PSMA5: variants seen among roughly 807,000 people sequenced by gnomAD.
PSMA5 encodes the protein proteasome subunit alpha type-5.
In PSMA5, 3 loss-of-function variants were observed where a neutral mutation model predicts 34.5. The ratio of observed to expected loss-of-function variants is 0.09; its 90% confidence interval spans 0.04 to 0.22. PSMA5 has a LOEUF of 0.22. Ranked by LOEUF, PSMA5 falls within the 10% of genes least tolerant of loss-of-function variation. The pLI is 1.00. For missense variants in PSMA5, 120 were observed against 286.1 expected (o/e 0.42, Z 4.19); for synonymous variants, 88 against 95.8 (o/e 0.92, Z 0.47).
intron 8 of PSMA5, among the ~76,000 whole-genome samples, chr1:109,407,944 T>C (rs1015844471): frequency 1.3e-5 from 2 of 152,102 alleles, no homozygotes; most frequent in African/African-American, 2.4e-5. Context: ...GATTTTAATA[T>C]GGCCCAGCAA....
At chr1:109,422,031 C>T in intron 1 of PSMA5, 105 bp from the exon 2 acceptor site, 4 of 641,200 alleles carry the variant, frequency 6.2e-6, no homozygotes, top group Non-Finnish European at 9.9e-6. Context: ...AGAATACGCA[C>T]ATTGTCATTA....
chr1:109,410,925 C>T (rs751947768), intron 7 of PSMA5, 86 bp downstream of exon 7: 131 of 1,020,614 alleles, frequency 1.3e-4, no homozygotes, highest in Non-Finnish European at 1.8e-4. Flanking sequence ...CAAAACAGAA[C>T]TGAACTCTTA....
intron 8 of PSMA5, among the ~76,000 whole-genome samples, chr1:109,404,811 C>T (rs1653678424): frequency 6.6e-6 from 1 of 152,066 alleles, no homozygotes; most frequent in African/African-American, 2.4e-5. Flanking sequence ...ACTAAGGATC[C>T]AAAGATGAAG....
intron 3 of PSMA5, among the ~76,000 whole-genome samples, 167 bp from the exon 4 acceptor site, chr1:109,413,302 G>A (rs575530591): frequency 8.7e-4 from 133 of 152,268 alleles, no homozygotes; most frequent in African/African-American, 3.0e-3. Flanking sequence ...CTGAACCCAA[G>A]TATTAATGAT....
intron 3 of PSMA5, 57 bp from the exon 4 acceptor site, chr1:109,413,192 C>A (rs950451878): frequency 7.3e-6 from 11 of 1,516,066 alleles, no homozygotes; most frequent in African/African-American, 1.4e-5. Flanking sequence ...ACTCTTTCAT[C>A]CACTCAGGAA....
chr1:109,409,676 G>A (rs1653918183), intron 8 of PSMA5, among the ~76,000 whole-genome samples: 1 of 152,142 alleles, frequency 6.6e-6, no homozygotes. Flanking sequence ...GTACTCAGTA[G>A]GCTGAGGCAG....
rs1654004770 is a variant in PSMA5 at position 109,411,874 on chromosome 1, T to C, written c.458+3A>G. The stretch of plus-strand genomic sequence containing the variant: ...TGGGGGAAAATTACAAAATGGTACT[T>C]ACAGCTGGGGTCCTTTCTCATCAAC... On this transcript the variant is annotated splice_donor_region_variant and intron_variant, in intron 6 of 8. Transcript: ENST00000271308. 2 of 1,610,284 alleles carry C rather than the reference T, an allele frequency of 1.2e-6. No homozygotes were observed. The highest frequency in any genetic ancestry group is 1.7e-6 in the Non-Finnish European group (2 of 1,176,670).
At chr1:109,406,945 TAAAG>T (rs913131379) in intron 8 of PSMA5, among the ~76,000 whole-genome samples, 26 of 152,280 alleles carry the variant, frequency 1.7e-4, no homozygotes, top group African/African-American at 6.3e-4. Flanking sequence ...GAGGTACATA[TAAAG>T]ATTTTCTTAA....
rs1653514179 is a variant in PSMA5, at chr1:109,401,376, A to T, written c.*637T>A. 1 of 152,162 alleles carries T rather than the reference A, an allele frequency of 6.6e-6. No homozygotes were observed. Among genetic ancestry groups the T allele is most frequent in the Non-Finnish European group, 1.5e-5 (1 of 68,024 alleles). The allele number at this position is 152,162 out of a possible 1,614,324, so 9.4% of individuals were successfully genotyped here. On this transcript the variant is annotated 3_prime_UTR_variant, in exon 9 of 9. Transcript: ENST00000271308. Reference sequence around the variant, plus strand: ...CATCAATGTTTTGAGGAGGACCTCAAAACATGTTCTTCTGATAGTCAATTA... The same window carrying T: ...CATCAATGTTTTGAGGAGGACCTCATAACATGTTCTTCTGATAGTCAATTA...
chr1:109,421,048 G>T (rs1013702004), intron 2 of PSMA5, among the ~76,000 whole-genome samples: 5 of 150,950 alleles, frequency 3.3e-5, no homozygotes, highest in Admixed American at 2.0e-4. Flanking sequence ...AATTAGCCAG[G>T]CATGGTGCAC....
intron 1 of PSMA5, among the ~76,000 whole-genome samples, chr1:109,423,854 AGACAATTAATCT>A (rs1268015386): frequency 1.2e-4 from 19 of 152,348 alleles, no homozygotes; most frequent in Admixed American, 3.3e-4. Flanking sequence ...CCCCTAATTC[AGACAATTAATCT>A]CTGTAAAACA....
At chr1:109,402,225 T>C in intron 8 of PSMA5, 135 bp from the exon 9 acceptor site, 1 of 556,384 alleles carries the variant, frequency 1.8e-6, no homozygotes, top group Non-Finnish European at 3.1e-6. Flanking sequence ...AAGGATATCC[T>C]TTCCAGGCAG....
At chr1:109,404,651 G>A (rs972186235) in intron 8 of PSMA5, among the ~76,000 whole-genome samples, 3 of 152,106 alleles carry the variant, frequency 2.0e-5, no homozygotes, top group Admixed American at 6.5e-5. Flanking sequence ...AATAATAAAT[G>A]TATTTGCATA....
In PSMA5 at chr1:109,399,750, ATTTATTAT is replaced by A. The variant is rs1653425109; in HGVS notation, c.*2255_*2262del. 6.6e-6 allele frequency: 1 copy of A among 152,156 alleles called. No homozygotes were observed. Among genetic ancestry groups the A allele is most frequent in the Non-Finnish European group, 1.5e-5 (1 of 68,030 alleles). 9.4% of individuals were successfully genotyped at this position (152,156 alleles called of 1,614,324 possible). On this transcript the variant is annotated 3_prime_UTR_variant, in exon 9 of 9. Transcript: ENST00000271308. ...ACTGAGAAAATGTTTGAGTGAATAT[ATTTATTAT>A]TTCACTTTTTAAATTGGAAACCCTA... is the stretch of plus-strand genomic sequence containing the variant.
intron 1 of PSMA5, 29 bp downstream of exon 1, chr1:109,426,273 C>G: frequency 1.4e-6 from 2 of 1,444,394 alleles, no homozygotes; most frequent in Non-Finnish European, 1.9e-6. Context: ...ACCCATAATT[C>G]CCACCCGACG....
At chr1:109,409,257 A>G (rs1571017974) in intron 8 of PSMA5, among the ~76,000 whole-genome samples, 1 of 152,164 alleles carries the variant, frequency 6.6e-6, no homozygotes, top group Admixed American at 6.5e-5. Context: ...CCTGGGTTCA[A>G]TCAATTCTGA....
rs1208606953 is a variant in PSMA5, at chr1:109,400,806, C to T, written c.*1207G>A. 1.3e-5 allele frequency: 2 copies of T among 152,180 alleles called. No individual in the cohort carries two copies. Among genetic ancestry groups the T allele is most frequent in the Non-Finnish European group, 2.9e-5 (2 of 68,020 alleles). The allele number at this position is 152,180 out of a possible 1,614,324, so 9.4% of individuals were successfully genotyped here. On this transcript the variant is annotated 3_prime_UTR_variant, in exon 9 of 9. Coordinates refer to ENST00000271308, the MANE Select transcript of PSMA5 (RefSeq NM_002790.4). ...GTACAACTTCCTACACATCAATATA[C>T]CCAGAGCCCAGCAAATAATTATGGG... is the stretch of plus-strand genomic sequence containing the variant.
chr1:109,417,086 C>G (rs1654238324), intron 2 of PSMA5, among the ~76,000 whole-genome samples: 1 of 152,140 alleles, frequency 6.6e-6, no homozygotes, highest in Admixed American at 6.5e-5. Context: ...GCCTGGACAA[C>G]AGAGTGAGAC....
Position 109,426,217 on chromosome 1 carries a change from T to A in PSMA5, c.29+85A>T, listed in dbSNP as rs963102602. 12 of 1,562,586 alleles carry A rather than the reference T, an allele frequency of 7.7e-6. No homozygotes were observed. The African/African-American group carries it at 1.5e-4, about 19-fold the overall frequency. The stretch of plus-strand genomic sequence containing the variant: ...AGTCTCGGGTTCCTGGGGAGCCCCA[T>A]GACACGGCAGAACCCAGGCCGCGCG... On this transcript the variant is annotated intron_variant, in intron 1 of 8. Coordinates refer to ENST00000271308, the MANE Select transcript of PSMA5 (RefSeq NM_002790.4).
Sources: gnomAD v4.1 joint callset for allele counts (sites outside exome capture counted in the v4.1 genomes callset) on GRCh38, gnomAD v4.1.1 for gene constraint, MANE v1.5 for transcripts, NCBI Gene and HGNC (gene_info 2026-07-23, HGNC 2026-07-21) for gene names.